Variants in ADAMTSL1 observed in about 807,000 individuals in gnomAD.
The protein encoded by ADAMTSL1 is ADAMTS-like protein 1.
In ADAMTSL1, 126 loss-of-function variants were observed where a neutral mutation model predicts 201.8. That is an observed-to-expected ratio of 0.62 (90% confidence interval 0.54 to 0.72). The LOEUF (loss-of-function observed/expected upper bound fraction) is 0.72. Among genes scored for constraint, ADAMTSL1 ranks in the 30% least tolerant of loss-of-function variants. The pLI is 0.00. For missense variants in ADAMTSL1, 2,679 were observed against 2,277.8 expected, an observed-to-expected ratio of 1.18 and a Z score of -3.59; for synonymous variants, 1,121 against 903.4, an observed-to-expected ratio of 1.24 and a Z score of -4.32.
chr9:18,486,365 A>G (rs919291711), intron 1 of ADAMTSL1, among the ~76,000 whole-genome samples: 2 of 152,218 alleles, frequency 1.3e-5, no homozygotes, highest in South Asian at 2.1e-4. Context: ...TTAACCCTTT[A>G]TTCACTCTCA....
intron 2 of ADAMTSL1, among the ~76,000 whole-genome samples, chr9:18,239,041 T>C (rs1359518578): frequency 6.6e-6 from 1 of 152,234 alleles, no homozygotes; most frequent in East Asian, 1.9e-4. Flanking sequence ...ATTATGTCTA[T>C]AAAAATGAAT....
At chr9:18,809,865 G>A (rs759696721) in intron 20 of ADAMTSL1, among the ~76,000 whole-genome samples, 2 of 152,170 alleles carry the variant, frequency 1.3e-5, no homozygotes, top group Non-Finnish European at 2.9e-5. Context: ...GAAAGTTTAA[G>A]CAGAAAAGTT....
chr9:18,865,769 G>C (rs1398021505), intron 23 of ADAMTSL1, among the ~76,000 whole-genome samples: 1 of 152,112 alleles, frequency 6.6e-6, no homozygotes, highest in Non-Finnish European at 1.5e-5. Flanking sequence ...TCTGCTGCCA[G>C]AACTCTCATT....
chr9:18,728,728 G>T (rs1451188496), intron 15 of ADAMTSL1, among the ~76,000 whole-genome samples: 9 of 152,226 alleles, frequency 5.9e-5, no homozygotes, highest in Admixed American at 5.9e-4. Context: ...GGAAGATGTT[G>T]CAGGCAGAAG....
chr9:18,416,462 T>A (rs1818680444), intron 2 of ADAMTSL1, among the ~76,000 whole-genome samples: 1 of 151,940 alleles, frequency 6.6e-6, no homozygotes, highest in Non-Finnish European at 1.5e-5. Context: ...AACATCCAAT[T>A]GAAAGATAGA....
intron 9 of ADAMTSL1, among the ~76,000 whole-genome samples, chr9:18,665,474 C>G (rs1829374252): frequency 6.6e-6 from 1 of 152,050 alleles, no homozygotes; most frequent in South Asian, 2.1e-4. Context: ...AACTCAGTGA[C>G]TATAAATATC....
chr9:18,306,771 C>T (rs1833924047), intron 2 of ADAMTSL1, among the ~76,000 whole-genome samples: 1 of 152,162 alleles, frequency 6.6e-6, no homozygotes, highest in Non-Finnish European at 1.5e-5. Context: ...AAACACTCTT[C>T]AGTATATTAT....
At chr9:18,422,539 A>G (rs982274067) in intron 2 of ADAMTSL1, among the ~76,000 whole-genome samples, 7 of 152,224 alleles carry the variant, frequency 4.6e-5, no homozygotes, top group African/African-American at 1.7e-4. Context: ...CCACACAGAC[A>G]ACAGGCTCCG....
chr9:17,958,611 A>T (rs1259638486), intron 1 of ADAMTSL1, among the ~76,000 whole-genome samples: 2 of 152,170 alleles, frequency 1.3e-5, no homozygotes, highest in Non-Finnish European at 2.9e-5. Context: ...ATTAGCTTCC[A>T]TTTCTATGGC....
At chr9:18,647,044 T>C (rs1587788790) in intron 7 of ADAMTSL1, among the ~76,000 whole-genome samples, 1 of 152,186 alleles carries the variant, frequency 6.6e-6, no homozygotes, top group East Asian at 1.9e-4. Flanking sequence ...TGGTAAGCTA[T>C]TGATTATTGC....
chr9:18,100,584 T>C (rs1470560936), intron 1 of ADAMTSL1, among the ~76,000 whole-genome samples: 1 of 152,184 alleles, frequency 6.6e-6, no homozygotes, highest in Non-Finnish European at 1.5e-5. Flanking sequence ...CCTAAGTCTA[T>C]TCCCCTCCCC....
chr9:18,678,772 C>T (rs1830272065), intron 10 of ADAMTSL1, among the ~76,000 whole-genome samples: 1 of 152,112 alleles, frequency 6.6e-6, no homozygotes. Context: ...ATGTATTCAA[C>T]CCAACTTTAA....
intron 4 of ADAMTSL1, among the ~76,000 whole-genome samples, chr9:18,610,999 A>C (rs1216368103): frequency 6.6e-6 from 1 of 152,182 alleles, no homozygotes; most frequent in Non-Finnish European, 1.5e-5. Flanking sequence ...TAGAATAGCT[A>C]CTTTGTGGTG....
intron 23 of ADAMTSL1, among the ~76,000 whole-genome samples, chr9:18,882,337 T>C (rs1828583625): frequency 6.6e-6 from 1 of 152,050 alleles, no homozygotes; most frequent in Admixed American, 6.6e-5. Flanking sequence ...ATATGGCCCT[T>C]TTTTTTTCCT....
chr9:18,008,780 G>A (rs528183499), intron 1 of ADAMTSL1, among the ~76,000 whole-genome samples: 1 of 151,988 alleles, frequency 6.6e-6, no homozygotes, highest in African/African-American at 2.4e-5. Context: ...CTACCTACAA[G>A]GGGACCAGAA....
chr9:18,331,366 A>G (rs1228181980), intron 2 of ADAMTSL1, among the ~76,000 whole-genome samples: 7 of 152,230 alleles, frequency 4.6e-5, no homozygotes, highest in African/African-American at 1.7e-4. Context: ...TGTGAGTATC[A>G]TCTATCCCCA....
chr9:18,391,316 T>A (rs1225624985), intron 2 of ADAMTSL1, among the ~76,000 whole-genome samples: 1 of 152,242 alleles, frequency 6.6e-6, no homozygotes, highest in African/African-American at 2.4e-5. Flanking sequence ...AGAGATTTTT[T>A]AGTGGGAATT....
At chr9:17,967,087 A>C (rs1329911) in intron 1 of ADAMTSL1, among the ~76,000 whole-genome samples, 120,551 of 151,966 alleles carry the variant, frequency 0.79, 48,647 homozygotes, top group East Asian at 0.94. Context: ...ATACTATTTC[A>C]GAACCTATAT....
chr9:18,270,528 A>T (rs566794764), intron 2 of ADAMTSL1, among the ~76,000 whole-genome samples: 1 of 152,346 alleles, frequency 6.6e-6, no homozygotes, highest in South Asian at 2.1e-4. Context: ...AATTGAATGG[A>T]ATGAATGCTA....
Sources: allele counts gnomAD v4.1 joint callset (sites outside exome capture counted in the v4.1 genomes callset), GRCh38; gene constraint gnomAD v4.1.1; transcripts MANE v1.5; gene names NCBI Gene and HGNC (gene_info 2026-07-23, HGNC 2026-07-21).